The following KIF2A variants were observed in gnomAD, a reference collection of about 807,000 sequenced individuals.
The protein encoded by KIF2A is kinesin-like protein KIF2A.
In KIF2A, 22 loss-of-function variants were observed where a neutral mutation model predicts 100.2. That is an observed-to-expected ratio of 0.22 (90% CI 0.16 to 0.31). KIF2A has a LOEUF of 0.31. Ranked by LOEUF, KIF2A falls within the 10% of genes least tolerant of loss-of-function variation. KIF2A has a pLI of 1.00. For missense variants in KIF2A, 495 were observed against 898.7 expected (o/e 0.55, Z 5.74); for synonymous variants, 268 against 285.9 (o/e 0.94, Z 0.63).
Position 62,363,766 on chromosome 5 carries a change from G to A in KIF2A, c.1334G>A (p.Arg445Lys), listed in dbSNP as rs1283657709. Residue 445 changes from arginine (R) to lysine (K), a missense_variant, in exon 14 of 21, where the codon AGG (arginine) becomes AAG (lysine). Transcript: ENST00000407818. ...GCAGTGTTTCAGATTATTCTTAGAA[G>A]GAAAGGAAAACTACATGGCAAATTT... ...SHAVFQIILRRKGKLHGKFSL... is the reference protein window; with the variant it reads ...SHAVFQIILRKKGKLHGKFSL... The A allele has an allele frequency of 1.9e-6, 3 of 1,613,818 alleles. No homozygotes were observed. Among genetic ancestry groups the A allele is most frequent in the Non-Finnish European group, 2.5e-6 (3 of 1,179,816 alleles).
chr5:62,365,614 CTTTTT>C (rs1006939493), intron 15 of KIF2A, among the ~76,000 whole-genome samples: 3 of 151,594 alleles, frequency 2.0e-5, no homozygotes, highest in Non-Finnish European at 4.4e-5. Context: ...CTCTTTCTTT[CTTTTT>C]GAGTATAGGT....
intron 18 of KIF2A, 25 bp from the exon 19 acceptor site, chr5:62,377,636 A>C: frequency 7.6e-7 from 1 of 1,311,762 alleles, no homozygotes; most frequent in Non-Finnish European, 1.1e-6. Context: ...CTATATCATA[A>C]TTTCTTAACT....
At chr5:62,321,915 T>A (rs942665414) in intron 1 of KIF2A, among the ~76,000 whole-genome samples, 3 of 152,010 alleles carry the variant, frequency 2.0e-5, no homozygotes, top group African/African-American at 7.3e-5. Flanking sequence ...ACTTTATAAT[T>A]TGGTATGTTT....
chr5:62,322,785 A>G (rs143645250), intron 1 of KIF2A, among the ~76,000 whole-genome samples: 5 of 151,986 alleles, frequency 3.3e-5, no homozygotes, highest in Non-Finnish European at 5.9e-5. Flanking sequence ...TAAACACAGC[A>G]CAAAACCAGG....
At chr5:62,366,263 TAAC>T (rs763959756) in intron 15 of KIF2A, 148 bp from the exon 16 acceptor site, 47 of 626,610 alleles carry the variant, frequency 7.5e-5, no homozygotes, top group African/African-American at 1.5e-4. Context: ...ATAGATATGA[TAAC>T]AAATAATCTT....
At chr5:62,313,791 T>C (rs946639642) in intron 1 of KIF2A, among the ~76,000 whole-genome samples, 8 of 151,862 alleles carry the variant, frequency 5.3e-5, no homozygotes, top group African/African-American at 1.9e-4. Context: ...TAAATTGTTT[T>C]GGTATCAAAA....
At chr5:62,373,579 A>G in intron 17 of KIF2A, 108 bp from the exon 18 acceptor site, 1 of 755,810 alleles carries the variant, frequency 1.3e-6, no homozygotes, top group East Asian at 2.8e-5. Context: ...AGGTGACATC[A>G]TCAATCTTAG....
chr5:62,352,228 G>A (rs1274582601), intron 4 of KIF2A, among the ~76,000 whole-genome samples: 1 of 151,500 alleles, frequency 6.6e-6, no homozygotes, highest in Non-Finnish European at 1.5e-5. Flanking sequence ...TTTAAGACGT[G>A]GAGCGGTTTA....
chr5:62,388,666 G>C lies in KIF2A; in HGVS notation c.*3097G>C. 4.9e-6 allele frequency: 1 copy of C among 205,152 alleles called. No individual in the cohort carries two copies. Among genetic ancestry groups the C allele is most frequent in the Non-Finnish European group, 9.7e-6 (1 of 103,148 alleles). 12.7% of individuals were successfully genotyped at this position (205,152 alleles called of 1,614,324 possible). ...TTATTACTGGAGGAACAGAGCTAAA[G>C]GCCTAAAGAAGGCCTTACAGTATAT... On this transcript the variant is annotated 3_prime_UTR_variant, in exon 21 of 21. Transcript: ENST00000407818.
At chr5:62,354,017 C>T (rs1370555642) in intron 6 of KIF2A, among the ~76,000 whole-genome samples, 1 of 151,954 alleles carries the variant, frequency 6.6e-6, no homozygotes, top group Non-Finnish European at 1.5e-5. Flanking sequence ...ATTTTCAGAA[C>T]TACTTTTCTC....
At chr5:62,363,343 A>C (rs780879391) in intron 13 of KIF2A, 23 bp downstream of exon 13, 1 of 1,601,086 alleles carries the variant, frequency 6.2e-7, no homozygotes, top group Non-Finnish European at 8.5e-7. Context: ...TTGATTAAGA[A>C]AGGAAACATC....
chr5:62,369,093 T>C (rs1450431822), intron 16 of KIF2A, among the ~76,000 whole-genome samples: 3 of 152,200 alleles, frequency 2.0e-5, no homozygotes, highest in East Asian at 1.9e-4. Flanking sequence ...CTCCCTAATA[T>C]TGTGAAAATG....
intron 19 of KIF2A, among the ~76,000 whole-genome samples, chr5:62,380,104 G>T (rs1221714587): frequency 6.6e-6 from 1 of 152,160 alleles, no homozygotes; most frequent in East Asian, 1.9e-4. Context: ...TGTTGGCCCG[G>T]CTGATCTTGA....
chr5:62,344,947 T>G (rs1297443565), intron 1 of KIF2A, among the ~76,000 whole-genome samples: 1 of 152,184 alleles, frequency 6.6e-6, no homozygotes, highest in Non-Finnish European at 1.5e-5. Context: ...TGAGCTCATA[T>G]AAAAGGTAGG....
chr5:62,374,666 C>T (rs760377114), intron 18 of KIF2A, among the ~76,000 whole-genome samples: 22 of 152,142 alleles, frequency 1.4e-4, no homozygotes, highest in Non-Finnish European at 2.5e-4. Context: ...ACAAGCCAGG[C>T]GCGGTGTCTC....
chr5:62,364,900 G>C (rs938658805), intron 14 of KIF2A, among the ~76,000 whole-genome samples: 3 of 152,118 alleles, frequency 2.0e-5, no homozygotes, highest in Non-Finnish European at 4.4e-5. Context: ...TTCGATACCA[G>C]CCTGGTCAGC....
At chr5:62,309,849 A>C (rs746228049) in intron 1 of KIF2A, among the ~76,000 whole-genome samples, 1 of 152,162 alleles carries the variant, frequency 6.6e-6, no homozygotes, top group Non-Finnish European at 1.5e-5. Context: ...AAACTATCCT[A>C]ATGAGTCTTC....
intron 16 of KIF2A, among the ~76,000 whole-genome samples, chr5:62,371,426 T>C (rs1741323725): frequency 6.6e-6 from 1 of 152,212 alleles, no homozygotes; most frequent in Non-Finnish European, 1.5e-5. Context: ...AAGATATTGA[T>C]ACTTGTTTTT....
At chr5:62,365,735 GT>G (rs1741036074) in intron 15 of KIF2A, among the ~76,000 whole-genome samples, 1 of 152,196 alleles carries the variant, frequency 6.6e-6, no homozygotes, top group Admixed American at 6.5e-5. Context: ...AAGATTATTG[GT>G]TTTTTGTATA....
Sources: gnomAD v4.1 joint callset for allele counts (sites outside exome capture counted in the v4.1 genomes callset) on GRCh38, gnomAD v4.1.1 for gene constraint, MANE v1.5 for transcripts, NCBI Gene and HGNC (gene_info 2026-07-23, HGNC 2026-07-21) for gene names.